The following SEPTIN9 variants were observed in gnomAD, a reference collection of about 807,000 sequenced individuals.
The protein encoded by SEPTIN9 is septin-9.
SEPTIN9 carries 13 observed loss-of-function variants against 56.6 expected under a neutral mutation model. The ratio of observed to expected loss-of-function variants is 0.23; its 90% CI spans 0.15 to 0.37. The LOEUF (loss-of-function observed/expected upper bound fraction) is 0.37. SEPTIN9 is among the 10% of genes least tolerant of loss of function. The pLI is 1.00. For synonymous variants in SEPTIN9, 332 were observed against 334.1 expected (o/e 0.99, Z 0.07); for missense variants, 650 against 823.1 (o/e 0.79, Z 2.57).
At chr17:77,415,219 C>T (rs889176351) in intron 3 of SEPTIN9, among the ~76,000 whole-genome samples, 2 of 152,140 alleles carry the variant, frequency 1.3e-5, no homozygotes, top group African/African-American at 4.8e-5. Context: ...CTGGAGCGGC[C>T]CTGGGTTGCC....
At chr17:77,471,895 C>T (rs1360043478) in intron 3 of SEPTIN9, among the ~76,000 whole-genome samples, 7 of 152,110 alleles carry the variant, frequency 4.6e-5, no homozygotes, top group Non-Finnish European at 8.8e-5. Context: ...CTGACCCTCC[C>T]TCTGCAGTGG....
intron 2 of SEPTIN9, among the ~76,000 whole-genome samples, chr17:77,362,130 G>T (rs1282067553): frequency 6.6e-6 from 1 of 152,260 alleles, no homozygotes; most frequent in African/African-American, 2.4e-5. Context: ...CCGTATCGGA[G>T]GCTCCATGTG....
At position 77,475,414 on chromosome 17, in the gene SEPTIN9, A is replaced by C. The variant is rs1406627165; in HGVS notation, c.722-6730A>C. 1.1e-5 allele frequency: 16 copies of C among 1,469,752 alleles called. No homozygotes were observed. 91.0% of individuals were successfully genotyped at this position (1,469,752 alleles called of 1,614,324 possible). On this transcript the variant is annotated intron_variant, in intron 3 of 11. Coordinates refer to ENST00000427177, the MANE Select transcript of SEPTIN9 (RefSeq NM_001113491.2). The surrounding 1 kb of genome is among the most constrained non-coding windows in gnomAD (Gnocchi z 4.6). Reference sequence around the variant, plus strand: ...GAGGAGGGAGCAGCCCTGGCCGGACACTGTCCTCCTAGCATTGCCTGCATC... The same window carrying C: ...GAGGAGGGAGCAGCCCTGGCCGGACCCTGTCCTCCTAGCATTGCCTGCATC...
At chr17:77,293,799 T>C (rs2031677895) in intron 1 of SEPTIN9, among the ~76,000 whole-genome samples, 1 of 152,180 alleles carries the variant, frequency 6.6e-6, no homozygotes, top group Admixed American at 6.5e-5. Flanking sequence ...TCGTTTTCTA[T>C]TTCGAGAACA....
chr17:77,390,776 GCTCC>G (rs1468992104), intron 2 of SEPTIN9, among the ~76,000 whole-genome samples: 2 of 152,228 alleles, frequency 1.3e-5, no homozygotes, highest in Non-Finnish European at 2.9e-5. Context: ...TGAACAGGTG[GCTCC>G]CTGACCCTGG....
rs985848473 is a variant in SEPTIN9, at chr17:77,370,996, A to G, written c.77-31063A>G. Among the ~76,000 whole-genome samples the G allele has an allele frequency of 2.6e-5, 4 of 152,224 alleles. No homozygotes were observed. In the East Asian group the frequency reaches 7.7e-4, roughly 29 times the overall value. On this transcript the variant is annotated intron_variant, in intron 2 of 11. Transcript: ENST00000427177. Reference sequence around the variant, plus strand: ...AATTATGACTTGAAGGGTGGTGCCCAGCTGTTTCCCATCTCCTCTGAGGAC... The same window carrying G: ...AATTATGACTTGAAGGGTGGTGCCCGGCTGTTTCCCATCTCCTCTGAGGAC...
At chr17:77,357,537 G>T (rs1246437004) in intron 2 of SEPTIN9, among the ~76,000 whole-genome samples, 6 of 152,022 alleles carry the variant, frequency 3.9e-5, no homozygotes, top group Non-Finnish European at 8.8e-5. Context: ...ATTTTTTGGT[G>T]CATTTCAAAG....
Position 77,371,024 on chromosome 17 carries a change from GA to G in SEPTIN9, c.77-31027del, listed in dbSNP as rs577910357. On this transcript the variant is annotated intron_variant, in intron 2 of 11. Coordinates refer to ENST00000427177, the MANE Select transcript of SEPTIN9 (RefSeq NM_001113491.2). This position sits in a 1 kb window ranked among gnomAD's most constrained non-coding sequence, Gnocchi z 4.1. ...TGTTTCCCATCTCCTCTGAGGACAG[GA>G]AAAAAAAGGAAATAAATGATGTACA... Among the ~76,000 whole-genome samples, 4 of 151,792 alleles carry G rather than the reference GA, an allele frequency of 2.6e-5. No homozygotes were observed. Among genetic ancestry groups the G allele is most frequent in the African/African-American group, 4.8e-5 (2 of 41,332 alleles).
chr17:77,493,140 G>A, intron 10 of SEPTIN9, 64 bp downstream of exon 10: 1 of 1,292,242 alleles, frequency 7.7e-7, no homozygotes, highest in Non-Finnish European at 1.1e-6. Flanking sequence ...CTGACCCAGA[G>A]CCTGTGGGCC....
At chr17:77,379,576 C>G (rs2035066739) in intron 2 of SEPTIN9, among the ~76,000 whole-genome samples, 1 of 152,174 alleles carries the variant, frequency 6.6e-6, no homozygotes, top group Non-Finnish European at 1.5e-5. Flanking sequence ...CCTCCTTTCT[C>G]CACCTCCCAT....
chr17:77,289,269 G>T (rs556239110), intron 1 of SEPTIN9, among the ~76,000 whole-genome samples: 69 of 131,450 alleles, frequency 5.2e-4, no homozygotes, highest in Non-Finnish European at 9.7e-4. Flanking sequence ...GCTAATTTTT[G>T]TATTTTTAGT....
At chr17:77,381,506 C>T (rs1459497698) in intron 2 of SEPTIN9, among the ~76,000 whole-genome samples, 1 of 152,224 alleles carries the variant, frequency 6.6e-6, no homozygotes, top group East Asian at 1.9e-4. Flanking sequence ...AGGCCAGGCC[C>T]CTGCCCTATG....
At chr17:77,364,812 G>A (rs1282170163) in intron 2 of SEPTIN9, among the ~76,000 whole-genome samples, 1 of 152,246 alleles carries the variant, frequency 6.6e-6, no homozygotes, top group Non-Finnish European at 1.5e-5. Flanking sequence ...GCTGAGGTGG[G>A]GAGCAGAGCC....
At chr17:77,285,771 G>A (rs1469172202) in intron 1 of SEPTIN9, among the ~76,000 whole-genome samples, 1 of 152,224 alleles carries the variant, frequency 6.6e-6, no homozygotes, top group African/African-American at 2.4e-5. Flanking sequence ...GCTCTATGCT[G>A]TCGTGACTTC....
intron 3 of SEPTIN9, among the ~76,000 whole-genome samples, chr17:77,455,566 C>T (rs969136026): frequency 1.2e-4 from 19 of 152,224 alleles, no homozygotes; most frequent in African/African-American, 2.9e-4. Flanking sequence ...GGGGCCACCA[C>T]AGGACCAGGA....
intron 3 of SEPTIN9, among the ~76,000 whole-genome samples, chr17:77,409,625 T>C (rs2036219016): frequency 6.6e-6 from 1 of 152,060 alleles, no homozygotes; most frequent in South Asian, 2.1e-4. Flanking sequence ...CCCAGACACA[T>C]GGCACTGGGT....
chr17:77,448,071 A>C (rs1453716470), intron 3 of SEPTIN9, among the ~76,000 whole-genome samples: 1 of 152,214 alleles, frequency 6.6e-6, no homozygotes, highest in Non-Finnish European at 1.5e-5. Context: ...ATTGTCCTCT[A>C]AATGTGGCTT....
Position 77,475,730 on chromosome 17 carries a change from C to T in SEPTIN9, c.722-6414C>T, listed in dbSNP as rs748864361. 1.9e-6 allele frequency: 3 copies of T among 1,613,282 alleles called. No individual in the cohort carries two copies. The highest frequency in any genetic ancestry group is 2.5e-6 in the Non-Finnish European group (3 of 1,179,888). ...GGAAGTCTTCGCCGGGGCAAGGGCA[C>T]CAGCTGTAGATGCCGGCAGCTTTCT... is the stretch of plus-strand genomic sequence containing the variant. On this transcript the variant is annotated intron_variant, in intron 3 of 11. Transcript: ENST00000427177. The surrounding 1 kb of genome is among the most constrained non-coding windows in gnomAD (Gnocchi z 4.6).
intron 1 of SEPTIN9, among the ~76,000 whole-genome samples, chr17:77,305,898 G>C: frequency 8.2e-6 from 1 of 122,120 alleles, no homozygotes; most frequent in South Asian, 3.3e-4. Flanking sequence ...AAGGATGAGT[G>C]GGTGGGTGGG....
Sources: allele counts gnomAD v4.1 joint callset (sites outside exome capture counted in the v4.1 genomes callset), GRCh38; gene constraint gnomAD v4.1.1; non-coding constraint Gnocchi (gnomAD v3.1); transcripts MANE v1.5; gene names NCBI Gene and HGNC (gene_info 2026-07-23, HGNC 2026-07-21).